NEDD4L: variants seen among roughly 807,000 people sequenced by gnomAD.
NEDD4L encodes the protein NEDD4 like E3 ubiquitin protein ligase.
A neutral mutation model predicts 148.9 loss-of-function variants in NEDD4L; 54 were observed. The ratio of observed to expected loss-of-function variants is 0.36; its 90% CI spans 0.29 to 0.45. NEDD4L has a LOEUF of 0.45. Ranked by LOEUF, NEDD4L falls within the 20% of genes least tolerant of loss-of-function variation. NEDD4L has a pLI of 1.00. For missense variants in NEDD4L, 856 were observed against 1,233.8 expected (o/e 0.69, Z 4.59); for synonymous variants, 433 against 440.7 (o/e 0.98, Z 0.22).
intron 1 of NEDD4L, among the ~76,000 whole-genome samples, chr18:58,102,104 T>C (rs1017667233): frequency 2.6e-5 from 4 of 152,028 alleles, no homozygotes; most frequent in Non-Finnish European, 5.9e-5. Context: ...TGAATGTTTA[T>C]TTAAGCTCTG....
At chr18:58,100,330 C>G (rs1389752196) in intron 1 of NEDD4L, among the ~76,000 whole-genome samples, 1 of 152,170 alleles carries the variant, frequency 6.6e-6, no homozygotes, top group East Asian at 1.9e-4. Context: ...CAAGCCAGTT[C>G]CCTTAGAGGC....
intron 1 of NEDD4L, among the ~76,000 whole-genome samples, chr18:58,096,240 T>C (rs2145399811): frequency 6.6e-6 from 1 of 152,134 alleles, no homozygotes; most frequent in Non-Finnish European, 1.5e-5. Flanking sequence ...AAAACTATTT[T>C]TGAATATTGA....
intron 1 of NEDD4L, chr18:58,047,466 G>T (rs1598913371): frequency 1.0e-6 from 1 of 985,160 alleles, no homozygotes. Flanking sequence ...GGGCTTAGGT[G>T]CTGTTCCTTG....
At chr18:58,052,411 T>G (rs1254944580) in intron 1 of NEDD4L, among the ~76,000 whole-genome samples, 1 of 152,170 alleles carries the variant, frequency 6.6e-6, no homozygotes, top group Non-Finnish European at 1.5e-5. Flanking sequence ...ATTATATAAG[T>G]GTATCTGGGG....
At chr18:58,293,740 A>G (rs564146723) in intron 5 of NEDD4L, among the ~76,000 whole-genome samples, 2 of 152,088 alleles carry the variant, frequency 1.3e-5, no homozygotes, top group African/African-American at 4.8e-5. Context: ...GAGTAAGGAA[A>G]ATTTTTTTTG....
intron 2 of NEDD4L, among the ~76,000 whole-genome samples, chr18:58,205,724 A>G (rs1313740092): frequency 6.6e-6 from 1 of 151,764 alleles, no homozygotes; most frequent in Non-Finnish European, 1.5e-5. Context: ...AAGAAATAGC[A>G]TTATTGTTTA....
chr18:58,094,434 G>A lies in NEDD4L; in HGVS notation c.48+49726G>A, dbSNP rs1233883226. Among the ~76,000 whole-genome samples, 5 of 152,162 alleles carry A rather than the reference G, an allele frequency of 3.3e-5. No individual in the cohort carries two copies. The South Asian group carries it at 1.0e-3, about 32-fold the overall frequency. On this transcript the variant is annotated intron_variant, in intron 1 of 30. Coordinates refer to ENST00000400345, the MANE Select transcript of NEDD4L (RefSeq NM_001144967.3). ...GCTCCCGGGCTCAAGCGATCTGCCC[G>A]CCTCAGCCTCCTACAGTGTTGGGAT...
At chr18:58,239,223 C>G (rs2046359442) in intron 2 of NEDD4L, among the ~76,000 whole-genome samples, 1 of 152,176 alleles carries the variant, frequency 6.6e-6, no homozygotes, top group African/African-American at 2.4e-5. Context: ...CCATAGGGAG[C>G]AAAGACACAA....
At chr18:58,314,650 C>A (rs1282456865) in intron 5 of NEDD4L, 1 of 152,190 alleles carries the variant, frequency 6.6e-6, no homozygotes, top group Non-Finnish European at 1.5e-5. Context: ...TGAGGCGTCT[C>A]CACGTTGAGT....
At chr18:58,257,766 A>G (rs925474365) in intron 5 of NEDD4L, among the ~76,000 whole-genome samples, 2 of 152,126 alleles carry the variant, frequency 1.3e-5, no homozygotes, top group African/African-American at 4.8e-5. Context: ...AAGTTTAATC[A>G]GTTTGGTTTC....
rs2147197830 is a variant in NEDD4L, at chr18:58,401,218, C to G, written c.*4949C>G. On this transcript the variant is annotated 3_prime_UTR_variant, in exon 31 of 31. Transcript: ENST00000400345. Reference sequence around the variant, plus strand: ...ATGTTTCATAACTTTTTATTATAAACCCACCTCCTAATAGGAAGCCAAGTA... The same window carrying G: ...ATGTTTCATAACTTTTTATTATAAAGCCACCTCCTAATAGGAAGCCAAGTA... 6.6e-6 allele frequency: 1 copy of G among 152,254 alleles called. No individual in the cohort carries two copies. The highest frequency in any genetic ancestry group is 3.4e-3 in the Middle Eastern group (1 of 294). 9.4% of individuals were successfully genotyped at this position (152,254 alleles called of 1,614,324 possible). A position where few individuals can be genotyped will look rare whatever the true frequency, so the allele number is the denominator to read the frequency against.
chr18:58,208,587 C>G (rs1365203137), intron 2 of NEDD4L, among the ~76,000 whole-genome samples: 1 of 152,210 alleles, frequency 6.6e-6, no homozygotes, highest in African/African-American at 2.4e-5. Flanking sequence ...ATAGTAGCAG[C>G]TTTGCTTCTG....
At chr18:58,380,344 A>G (rs2048179188) in intron 24 of NEDD4L, among the ~76,000 whole-genome samples, 1 of 143,776 alleles carries the variant, frequency 7.0e-6, no homozygotes, top group Non-Finnish European at 1.5e-5. Flanking sequence ...TTTGAGATGG[A>G]GTCTCGCTCT....
intron 1 of NEDD4L, among the ~76,000 whole-genome samples, chr18:58,097,692 A>C (rs910343971): frequency 2.0e-5 from 3 of 152,174 alleles, no homozygotes; most frequent in African/African-American, 7.2e-5. Context: ...AGCCTGGTGT[A>C]GTTGCATGCC....
At chr18:58,229,978 G>C (rs1021896198) in intron 2 of NEDD4L, among the ~76,000 whole-genome samples, 1 of 152,072 alleles carries the variant, frequency 6.6e-6, no homozygotes, top group Non-Finnish European at 1.5e-5. Flanking sequence ...GACAGAGTGA[G>C]ACTCTGTCTC....
chr18:58,226,602 A>G (rs1286420381), intron 2 of NEDD4L, among the ~76,000 whole-genome samples: 1 of 152,184 alleles, frequency 6.6e-6, no homozygotes. Flanking sequence ...GAGCTTCTCA[A>G]GTGAGCAGGG....
chr18:58,269,537 C>G (rs1342905374), intron 5 of NEDD4L, among the ~76,000 whole-genome samples: 1 of 152,018 alleles, frequency 6.6e-6, no homozygotes, highest in Admixed American at 6.6e-5. Context: ...AAGAATAATG[C>G]AGACTGGATA....
rs2043371626 is a variant in NEDD4L, at chr18:58,348,326, C to CTTTTTTTTCTTTTTT, written c.1576-1203_1576-1202insCTTTTTTTTTTTTTT. 4.5e-3 allele frequency among the ~76,000 whole-genome samples: 399 copies of CTTTTTTTTCTTTTTT among 88,658 alleles called. 20 individuals are homozygous for CTTTTTTTTCTTTTTT. The highest frequency in any genetic ancestry group is 0.02 in the African/African-American group (378 of 18,536). The allele number at this position is 88,658 out of a possible 152,430, so 58.2% of individuals were successfully genotyped here. On this transcript the variant is annotated intron_variant, in intron 16 of 30. Coordinates refer to ENST00000400345, the MANE Select transcript of NEDD4L (RefSeq NM_001144967.3). ...CACTGCATTTCTTTTTCTTTTTTTT[C>CTTTTTTTTCTTTTTT]TTTTTTTTTTTTTTTTTTTTTTTGA... is the stretch of plus-strand genomic sequence containing the variant.
intron 6 of NEDD4L, among the ~76,000 whole-genome samples, chr18:58,318,452 A>G (rs1462861192): frequency 6.6e-6 from 1 of 152,084 alleles, no homozygotes; most frequent in East Asian, 1.9e-4. Flanking sequence ...AACTGTTTAG[A>G]AGGCTGAGGT....
Sources: gnomAD v4.1 joint callset for allele counts (sites outside exome capture counted in the v4.1 genomes callset) on GRCh38, gnomAD v4.1.1 for gene constraint, MANE v1.5 for transcripts, NCBI Gene and HGNC (gene_info 2026-07-23, HGNC 2026-07-21) for gene names.